Variants in NDRG2 observed in about 807,000 individuals in gnomAD.
NDRG2 encodes the protein protein NDRG2.
Under a neutral mutation model 58.2 loss-of-function variants are expected in NDRG2, and 34 were observed. The observed-to-expected ratio is 0.58, with a 90% confidence interval of 0.44 to 0.78. The LOEUF is 0.78. Among genes scored for constraint, NDRG2 ranks in the 30% least tolerant of loss-of-function variants. The pLI is 0.00. For missense variants in NDRG2, 434 were observed against 471.2 expected, an observed-to-expected ratio of 0.92 and a Z score of 0.73; for synonymous variants, 187 against 175.9, an observed-to-expected ratio of 1.06 and a Z score of -0.50.
upstream of NDRG2, among the ~76,000 whole-genome samples, chr14:21,026,388 C>T (rs908036556): frequency 1.3e-5 from 2 of 150,318 alleles, no homozygotes; most frequent in African/African-American, 4.9e-5. Flanking sequence ...GGGGGCTGGG[C>T]GCCAGGCCAG....
At chr14:21,066,559 C>T (rs72671112) in intron 1 of NDRG2, among the ~76,000 whole-genome samples, 51,665 of 152,142 alleles carry the variant, frequency 0.34, 10,819 homozygotes, top group East Asian at 0.47. Flanking sequence ...TGGTGTTGCT[C>T]TCTTGACCAC....
intron 1 of NDRG2, chr14:21,043,144 G>A: frequency 6.2e-7 from 1 of 1,614,160 alleles, no homozygotes; most frequent in Non-Finnish European, 8.5e-7. Context: ...CCTCAAGCAT[G>A]CAACTCAGCC....
At chr14:21,029,803 G>A (rs957341537), upstream of NDRG2, among the ~76,000 whole-genome samples, 1 of 152,162 alleles carries the variant, frequency 6.6e-6, no homozygotes, top group African/African-American at 2.4e-5. Context: ...CTATGGACCG[G>A]AAAGCAGCCC....
intron 10 of NDRG2, among the ~76,000 whole-genome samples, 182 bp from the exon 11 acceptor site, chr14:21,019,342 T>C (rs1878765293): frequency 6.6e-6 from 1 of 152,158 alleles, no homozygotes; most frequent in Admixed American, 6.5e-5. Flanking sequence ...TATAGTCACT[T>C]GTGCCCTAGA....
chr14:21,055,461 C>T (rs1315190723), intron 1 of NDRG2, among the ~76,000 whole-genome samples: 1 of 152,160 alleles, frequency 6.6e-6, no homozygotes, highest in East Asian at 1.9e-4. Flanking sequence ...AAGCACTGAG[C>T]CTCAAGTGCT....
intron 1 of NDRG2, among the ~76,000 whole-genome samples, chr14:21,045,948 A>C (rs1885124348): frequency 6.6e-6 from 1 of 152,218 alleles, no homozygotes; most frequent in Non-Finnish European, 1.5e-5. Context: ...CTGTATACTT[A>C]AGATTTGTTT....
chr14:21,045,782 A>G (rs1594500765), intron 1 of NDRG2, among the ~76,000 whole-genome samples: 1 of 152,354 alleles, frequency 6.6e-6, no homozygotes, highest in African/African-American at 2.4e-5. Flanking sequence ...AGCATTAAAT[A>G]ACTAGAAAGT....
upstream of NDRG2, among the ~76,000 whole-genome samples, chr14:21,028,095 G>A (rs1192157707): frequency 1.3e-5 from 2 of 152,114 alleles, no homozygotes; most frequent in East Asian, 3.8e-4. Flanking sequence ...GACATATCTA[G>A]GATTCATTTC....
chr14:21,027,698 A>G (rs996161697), upstream of NDRG2, among the ~76,000 whole-genome samples: 3 of 152,128 alleles, frequency 2.0e-5, no homozygotes, highest in African/African-American at 7.2e-5. Flanking sequence ...GTTCACACTC[A>G]CTCTTTATAC....
At position 21,023,249 on chromosome 14, in the gene NDRG2, C is replaced by G; in HGVS notation, c.67G>C (p.Ala23Pro). Residue 23 changes from alanine (A) to proline (P), a missense_variant, in exon 2 of 16, where the codon GCG becomes CCG. Ala to Pro is a conservative substitution (Grantham distance 27). Coordinates refer to ENST00000556147, the MANE Select transcript of NDRG2 (RefSeq NM_001320329.2). ...AAACGGTCTCTAATAACCTTGGCCG[C>G]CTCAGGCGTCTGTCCTGGCAACAGT... ...KPLLPGQTPE[A>P]AKEAELAARI... is the part of the protein sequence containing the mutation. The G allele has an allele frequency of 6.2e-7, 1 of 1,613,948 alleles. No individual in the cohort carries two copies. The highest frequency in any genetic ancestry group is 8.5e-7 in the Non-Finnish European group (1 of 1,179,926).
At chr14:21,045,654 C>T (rs1293976077) in intron 1 of NDRG2, among the ~76,000 whole-genome samples, 1 of 152,192 alleles carries the variant, frequency 6.6e-6, no homozygotes, top group Non-Finnish European at 1.5e-5. Context: ...ATTCTCCTCA[C>T]AAAATTTAAA....
In NDRG2 at chr14:21,024,407, A is replaced by G. The variant is rs1180271424; in HGVS notation, c.-384T>C. On this transcript the variant is annotated 5_prime_UTR_variant, in exon 1 of 16. Coordinates refer to ENST00000556147, the MANE Select transcript of NDRG2 (RefSeq NM_001320329.2). ...TCCCGGCTCTGCCACTCCCAGTGTGACCTTGCCCCAGTTAGTTACTACATT... is the reference window on the plus strand; with the variant it reads ...TCCCGGCTCTGCCACTCCCAGTGTGGCCTTGCCCCAGTTAGTTACTACATT... 11 of 899,610 alleles carry G rather than the reference A, an allele frequency of 1.2e-5. No individual in the cohort carries two copies. Among genetic ancestry groups the G allele is most frequent in the Non-Finnish European group, 1.5e-5 (11 of 752,144 alleles). The allele number at this position is 899,610 out of a possible 1,614,324, so 55.7% of individuals were successfully genotyped here.
Position 21,024,215 on chromosome 14 carries a change from C to T in NDRG2, c.-192G>A, listed in dbSNP as rs147773754. On this transcript the variant is annotated 5_prime_UTR_variant, in exon 1 of 16. Transcript: ENST00000556147. ...GTCATCAACCTCCTCGGGTCACTAA[C>T]CCTCCCCAGTGTCTGTCTACCCCTA... is the stretch of plus-strand genomic sequence containing the variant. 4.0e-3 allele frequency: 3,925 copies of T among 985,520 alleles called. 13 individuals are homozygous for T. The highest frequency in any genetic ancestry group is 6.6e-3 in the Admixed American group (108 of 16,288). 61.0% of individuals were successfully genotyped at this position (985,520 alleles called of 1,614,324 possible).
chr14:21,023,268 C>G lies in NDRG2; in HGVS notation c.48G>C (p.Leu16Phe). The change falls in exon 2 of 16, where the codon TTG becomes TTC. Residue 16 changes from leucine to phenylalanine, a missense_variant. By Grantham distance (22) the Leu-to-Phe change is conservative. Coordinates refer to ENST00000556147, the MANE Select transcript of NDRG2 (RefSeq NM_001320329.2). The stretch of plus-strand genomic sequence containing the variant: ...TGGCCGCCTCAGGCGTCTGTCCTGG[C>G]AACAGTGGCTTCTCCTCTGTGATCT... ...EVQITEEKPL[L>F]PGQTPEAAKE... is the part of the protein sequence containing the mutation. The G allele has an allele frequency of 1.2e-6, 2 of 1,613,972 alleles. No homozygotes were observed. The highest frequency in any genetic ancestry group is 1.7e-6 in the Non-Finnish European group (2 of 1,179,946).
intron 1 of NDRG2, chr14:21,031,391 G>T: frequency 1.9e-6 from 1 of 538,196 alleles, no homozygotes; most frequent in Non-Finnish European, 3.1e-6. Context: ...ATTTCCAAGT[G>T]TCTAGTATCT....
intron 1 of NDRG2, chr14:21,031,117 C>T (rs148606055): frequency 1.2e-6 from 2 of 1,614,146 alleles, no homozygotes; most frequent in South Asian, 1.1e-5. Flanking sequence ...TCCTGGAGAA[C>T]ATTTATGGAC....
intron 1 of NDRG2, among the ~76,000 whole-genome samples, chr14:21,044,531 T>C (rs996531217): frequency 2.6e-5 from 4 of 152,184 alleles, no homozygotes; most frequent in Non-Finnish European, 4.4e-5. Flanking sequence ...CCCTGCCTCA[T>C]TGCTACCCTG....
intron 1 of NDRG2, chr14:21,033,442 GGAGCTGGTGCCTGTTGCCATGGTGT>G (rs1884384264): frequency 3.3e-6 from 1 of 299,252 alleles, no homozygotes; most frequent in Non-Finnish European, 6.4e-6. Context: ...GGTGAGACTC[GGAGCTGGTGCCTGTTGCCATGGTGT>G]GAGCTGAGGC....
chr14:21,017,886 T>C (rs1002308778), intron 15 of NDRG2, 101 bp downstream of exon 15: 15 of 1,604,488 alleles, frequency 9.3e-6, no homozygotes, highest in East Asian at 2.2e-5. Context: ...ACGAGCTCGA[T>C]TGGGCAGATA....
Sources: allele counts gnomAD v4.1 joint callset (sites outside exome capture counted in the v4.1 genomes callset), GRCh38; gene constraint gnomAD v4.1.1; transcripts MANE v1.5; gene names NCBI Gene and HGNC (gene_info 2026-07-23, HGNC 2026-07-21).